Variants in REEP3 observed in about 807,000 individuals in gnomAD.
REEP3 encodes receptor accessory protein 3.
A neutral mutation model predicts 41.3 loss-of-function variants in REEP3; 20 were observed. That is an observed-to-expected ratio of 0.48 (90% CI 0.34 to 0.70). The LOEUF is 0.70. Among genes scored for constraint, REEP3 ranks in the 30% least tolerant of loss-of-function variants. REEP3 has a pLI of 0.01. For missense variants in REEP3, 271 were observed against 308.8 expected (o/e 0.88, Z 0.92); for synonymous variants, 104 against 101.8 (o/e 1.02, Z -0.13).
At chr10:63,555,773 T>C (rs1955673129) in intron 1 of REEP3, among the ~76,000 whole-genome samples, 1 of 152,220 alleles carries the variant, frequency 6.6e-6, no homozygotes, top group African/African-American at 2.4e-5. Flanking sequence ...AGCATAATAT[T>C]GTCACACATT....
intron 5 of REEP3, among the ~76,000 whole-genome samples, chr10:63,604,319 G>C (rs528349279): frequency 6.7e-4 from 102 of 152,360 alleles, no homozygotes; most frequent in African/African-American, 2.4e-3. Context: ...TTTTGCTGAG[G>C]ATGTACAGCA....
chr10:63,529,763 G>A (rs572843171), intron 1 of REEP3, among the ~76,000 whole-genome samples: 5 of 146,918 alleles, frequency 3.4e-5, no homozygotes, highest in South Asian at 2.2e-4. Context: ...CCACTGCCCC[G>A]GCCATGAATG....
chr10:63,595,350 G>A (rs1033755397), intron 3 of REEP3, among the ~76,000 whole-genome samples: 1 of 152,210 alleles, frequency 6.6e-6, no homozygotes, highest in Admixed American at 6.5e-5. Context: ...CAAAATTAAA[G>A]TGTGTTTATA....
intron 1 of REEP3, among the ~76,000 whole-genome samples, chr10:63,551,769 G>A (rs761095239): frequency 6.6e-6 from 1 of 152,078 alleles, no homozygotes; most frequent in African/African-American, 2.4e-5. Flanking sequence ...TAAATGGATG[G>A]GATCCCAGAT....
In REEP3 at chr10:63,610,258, G is replaced by T. The variant is rs1243628682; in HGVS notation, c.489G>T (p.Glu163Asp). ...ATTTAACAACTATCCAAGGTGATGA[G>T]CCTGTGGGACAAAGACCATACCAAC... ...MHDLTTIQGD[E>D]PVGQRPYQPL... Residue 163 changes from glutamate to aspartate, a missense_variant, in exon 6 of 8, where the codon GAG becomes GAT. Transcript: ENST00000373758. 2 of 1,597,052 alleles carry T rather than the reference G, an allele frequency of 1.3e-6. No individual in the cohort carries two copies. Among genetic ancestry groups the T allele is most frequent in the Admixed American group, 3.5e-5 (2 of 57,364 alleles).
At chr10:63,601,797 T>A (rs1956173853) in intron 5 of REEP3, among the ~76,000 whole-genome samples, 1 of 152,088 alleles carries the variant, frequency 6.6e-6, no homozygotes, top group African/African-American at 2.4e-5. Flanking sequence ...GGTGGGCACC[T>A]GTAGTCCCAG....
At chr10:63,588,951 A>G (rs1956032483) in intron 2 of REEP3, among the ~76,000 whole-genome samples, 1 of 152,206 alleles carries the variant, frequency 6.6e-6, no homozygotes. Flanking sequence ...ATATCAGCAC[A>G]TACCAGGGCC....
At chr10:63,561,622 A>G (rs573687970) in intron 1 of REEP3, among the ~76,000 whole-genome samples, 31 of 152,362 alleles carry the variant, frequency 2.0e-4, no homozygotes, top group South Asian at 6.2e-4. Flanking sequence ...TGCTGCAGGT[A>G]TATTAGAAAA....
At chr10:63,522,050 C>G (rs988726899) in intron 1 of REEP3, among the ~76,000 whole-genome samples, 1 of 152,044 alleles carries the variant, frequency 6.6e-6, no homozygotes, top group African/African-American at 2.4e-5. Context: ...ACGGCAGTGC[C>G]GAGCCTTTGT....
intron 1 of REEP3, among the ~76,000 whole-genome samples, chr10:63,539,126 T>A (rs1453249701): frequency 6.6e-6 from 1 of 152,200 alleles, no homozygotes; most frequent in East Asian, 1.9e-4. Flanking sequence ...ACCAACAGAT[T>A]GCCAACTTTA....
chr10:63,526,143 G>C (rs192444543), intron 1 of REEP3, among the ~76,000 whole-genome samples: 2 of 152,070 alleles, frequency 1.3e-5, no homozygotes, highest in Non-Finnish European at 2.9e-5. Flanking sequence ...ATTTTAATTA[G>C]AGTATAGTAA....
chr10:63,536,813 T>A (rs759893103), intron 1 of REEP3, among the ~76,000 whole-genome samples: 2 of 152,218 alleles, frequency 1.3e-5, no homozygotes, highest in Non-Finnish European at 2.9e-5. Flanking sequence ...AAATTCCATT[T>A]CACACTTACT....
At chr10:63,599,310 C>G in intron 5 of REEP3, 27 bp downstream of exon 5, 1 of 1,039,716 alleles carries the variant, frequency 9.6e-7, no homozygotes, top group Non-Finnish European at 1.4e-6. Flanking sequence ...CTTTTTAATC[C>G]AATGTCATAT....
chr10:63,521,831 C>A (rs1158466337), intron 1 of REEP3: 3 of 119,798 alleles, frequency 2.5e-5, no homozygotes, highest in South Asian at 4.7e-4. Context: ...TGGCGCTGCT[C>A]GGCTGCGTGC....
At chr10:63,557,519 TG>T (rs1955700531) in intron 1 of REEP3, among the ~76,000 whole-genome samples, 1 of 152,230 alleles carries the variant, frequency 6.6e-6, no homozygotes, top group South Asian at 2.1e-4. Flanking sequence ...CTTATTCTAT[TG>T]TTTAAATTAA....
At chr10:63,614,032 A>G (rs1956295058) in intron 6 of REEP3, among the ~76,000 whole-genome samples, 1 of 152,190 alleles carries the variant, frequency 6.6e-6, no homozygotes, top group Non-Finnish European at 1.5e-5. Flanking sequence ...ACAAACTACA[A>G]ACTGTCAGAA....
chr10:63,619,439 T>G (rs565790944), intron 6 of REEP3, among the ~76,000 whole-genome samples: 6 of 152,300 alleles, frequency 3.9e-5, no homozygotes, highest in African/African-American at 7.2e-5. Context: ...ATAAGAATGA[T>G]CAGGGAAAAT....
At chr10:63,613,166 C>A (rs1384434651) in intron 6 of REEP3, among the ~76,000 whole-genome samples, 2 of 152,054 alleles carry the variant, frequency 1.3e-5, no homozygotes, top group Non-Finnish European at 2.9e-5. Flanking sequence ...CGTGCACCAC[C>A]ACGCCTGGCT....
chr10:63,565,255 A>G (rs534286450), intron 1 of REEP3, among the ~76,000 whole-genome samples: 3 of 152,286 alleles, frequency 2.0e-5, no homozygotes, highest in African/African-American at 7.2e-5. Context: ...GCAACACTCC[A>G]TGTCAATCAA....
Sources: gnomAD v4.1 joint callset for allele counts (sites outside exome capture counted in the v4.1 genomes callset) on GRCh38, gnomAD v4.1.1 for gene constraint, MANE v1.5 for transcripts, NCBI Gene and HGNC (gene_info 2026-07-23, HGNC 2026-07-21) for gene names.